ATP2B1: variants seen among roughly 807,000 people sequenced by gnomAD.
The protein encoded by ATP2B1 is ATPase plasma membrane Ca2+ transporting 1, also known as plasma membrane calcium-transporting ATPase 1.
In ATP2B1, 14 loss-of-function variants were observed where a neutral mutation model predicts 124.2. The ratio of observed to expected loss-of-function variants is 0.11; its 90% CI spans 0.07 to 0.18. The LOEUF (loss-of-function observed/expected upper bound fraction) is 0.18. Among genes scored for constraint, ATP2B1 ranks in the 10% least tolerant of loss-of-function variants. ATP2B1 has a pLI of 1.00. For missense variants in ATP2B1, 763 were observed against 1,466.1 expected (o/e 0.52, Z 7.83); for synonymous variants, 449 against 492.4 (o/e 0.91, Z 1.17).
At chr12:89,643,230 G>A (rs918091483) in intron 2 of ATP2B1, among the ~76,000 whole-genome samples, 2 of 148,580 alleles carry the variant, frequency 1.3e-5, no homozygotes, top group South Asian at 2.1e-4. Context: ...ATGTATATAC[G>A]TATATATATG....
chr12:89,638,760 A>C (rs2136219134), intron 3 of ATP2B1, among the ~76,000 whole-genome samples: 1 of 152,356 alleles, frequency 6.6e-6, no homozygotes, highest in East Asian at 1.9e-4. Flanking sequence ...TAGGATATAC[A>C]GCAAAATATT....
intron 1 of ATP2B1, among the ~76,000 whole-genome samples, chr12:89,691,778 A>G (rs555458548): frequency 3.3e-5 from 5 of 152,300 alleles, no homozygotes; most frequent in Admixed American, 6.5e-5. Flanking sequence ...ACAAAACAGG[A>G]AAGTCCACCC....
At position 89,599,103 on chromosome 12, in the gene ATP2B1, T is replaced by C; in HGVS notation, c.3351+14A>G. 1.9e-6 allele frequency: 3 copies of C among 1,611,806 alleles called. No homozygotes were observed. Among genetic ancestry groups the C allele is most frequent in the Non-Finnish European group, 2.5e-6 (3 of 1,178,666 alleles). ...GCTCCCATCATCTCTCCTACCTCTCTACCAGGCCCATACCTGTGTTTGGAT... is the reference window on the plus strand; with the variant it reads ...GCTCCCATCATCTCTCCTACCTCTCCACCAGGCCCATACCTGTGTTTGGAT... On this transcript the variant is annotated intron_variant, in intron 20 of 20. Transcript: ENST00000428670.
intron 20 of ATP2B1, among the ~76,000 whole-genome samples, chr12:89,596,895 T>G (rs1232797106): frequency 6.6e-6 from 1 of 152,170 alleles, no homozygotes; most frequent in African/African-American, 2.4e-5. Flanking sequence ...CCTTAGTTTA[T>G]TCCTCTTTTA....
chr12:89,692,383 G>C (rs1305296416), intron 1 of ATP2B1, among the ~76,000 whole-genome samples: 2 of 152,056 alleles, frequency 1.3e-5, no homozygotes, highest in Non-Finnish European at 2.9e-5. Flanking sequence ...TCAATTCCAG[G>C]CTGGGACGAC....
At position 89,591,082 on chromosome 12, in the gene ATP2B1, C is replaced by T; in HGVS notation, c.3565G>A (p.Ala1189Thr). The change falls in exon 21 of 21, where the codon GCT becomes ACT. Residue 1189 changes from alanine (A) to threonine (T), a missense_variant. Physicochemically the swap from Ala to Thr is moderately conservative, Grantham distance 58. Coordinates refer to ENST00000428670, the MANE Select transcript of ATP2B1 (RefSeq NM_001366521.1). ...PPPSPNKNNNAVDSGIHLTIE... is the reference protein window; with the variant it reads ...PPPSPNKNNNTVDSGIHLTIE... The stretch of plus-strand genomic sequence containing the variant: ...GTAAGGTGAATTCCACTGTCAACAG[C>T]ATTGTTATTTTTGTTGGGAGAGGGT... 6.2e-7 allele frequency: 1 copy of T among 1,613,204 alleles called. No individual in the cohort carries two copies. The highest frequency in any genetic ancestry group is 8.5e-7 in the Non-Finnish European group (1 of 1,179,400).
At chr12:89,611,987 C>A (rs1438795002) in intron 12 of ATP2B1, 1 of 152,064 alleles carries the variant, frequency 6.6e-6, no homozygotes, top group Non-Finnish European at 1.5e-5. Context: ...CTAAGAGTCA[C>A]CTGTACCTCT....
At chr12:89,597,877 T>C (rs1874949303) in intron 20 of ATP2B1, among the ~76,000 whole-genome samples, 1 of 151,912 alleles carries the variant, frequency 6.6e-6, no homozygotes, top group Non-Finnish European at 1.5e-5. Flanking sequence ...AGTATACTTT[T>C]CCTACTTCTA....
intron 1 of ATP2B1, among the ~76,000 whole-genome samples, chr12:89,704,193 C>T (rs958235760): frequency 2.6e-5 from 4 of 151,978 alleles, no homozygotes. Context: ...AAAGAAGAAA[C>T]TTTTAGTACA....
At chr12:89,613,501 A>T (rs1878409536) in intron 12 of ATP2B1, among the ~76,000 whole-genome samples, 1 of 152,140 alleles carries the variant, frequency 6.6e-6, no homozygotes, top group South Asian at 2.1e-4. Context: ...CAGAGTGATG[A>T]GCAAAAGGAC....
At chr12:89,701,503 T>C (rs930073463) in intron 1 of ATP2B1, among the ~76,000 whole-genome samples, 7 of 152,214 alleles carry the variant, frequency 4.6e-5, no homozygotes, top group African/African-American at 1.7e-4. Context: ...TCTGTTAAAG[T>C]AAAGCAGAGA....
At chr12:89,631,020 T>A (rs1409372113) in intron 5 of ATP2B1, among the ~76,000 whole-genome samples, 1 of 151,912 alleles carries the variant, frequency 6.6e-6, no homozygotes, top group Non-Finnish European at 1.5e-5. Context: ...AATCCTCCTG[T>A]CTTGGCCACC....
chr12:89,672,328 C>T (rs996172370), intron 1 of ATP2B1, among the ~76,000 whole-genome samples: 2 of 151,656 alleles, frequency 1.3e-5, no homozygotes, highest in African/African-American at 4.8e-5. Flanking sequence ...GTGGCGGGTG[C>T]CTGTAATCCC....
chr12:89,685,765 C>T (rs932311144), intron 1 of ATP2B1, among the ~76,000 whole-genome samples: 1 of 152,026 alleles, frequency 6.6e-6, no homozygotes, highest in African/African-American at 2.4e-5. Flanking sequence ...CCAATGTGAC[C>T]ATATTTGGCA....
intron 1 of ATP2B1, among the ~76,000 whole-genome samples, chr12:89,698,545 C>T (rs967174078): frequency 2.0e-5 from 3 of 152,160 alleles, no homozygotes; most frequent in African/African-American, 7.2e-5. Context: ...GATTACCTGA[C>T]TGTGGTGGCG....
At chr12:89,625,361 A>G (rs1050049539) in intron 8 of ATP2B1, among the ~76,000 whole-genome samples, 1 of 152,006 alleles carries the variant, frequency 6.6e-6, no homozygotes, top group Non-Finnish European at 1.5e-5. Flanking sequence ...AGGTGGGAGG[A>G]TCACTTGAGC....
Position 89,591,045 on chromosome 12 carries a change from T to C in ATP2B1, c.3602A>G (p.Asn1201Ser), listed in dbSNP as rs1379026306. ...DSGIHLTIEMNKSATSSSPGS... is the reference protein window; with the variant it reads ...DSGIHLTIEMSKSATSSSPGS... ...TGGGGATGAAGAGGTAGCAGACTTG[T>C]TCATTTCTATTGTAAGGTGAATTCC... Residue 1201 changes from asparagine (N) to serine (S), a missense_variant, in exon 21 of 21, where the codon AAC becomes AGC. By Grantham distance (46) the Asn-to-Ser change is conservative. Transcript: ENST00000428670. The C allele has an allele frequency of 1.9e-6, 3 of 1,613,216 alleles. No individual in the cohort carries two copies. Among genetic ancestry groups the C allele is most frequent in the African/African-American group, 1.3e-5 (1 of 74,972 alleles).
At chr12:89,600,768 C>A (rs552402665) in intron 19 of ATP2B1, among the ~76,000 whole-genome samples, 38 of 151,968 alleles carry the variant, frequency 2.5e-4, no homozygotes, top group Non-Finnish European at 4.4e-4. Context: ...CCTGCCTCAG[C>A]CTCCCAAGTA....
rs146139422 is a variant in ATP2B1 at position 89,641,887 on chromosome 12, T to A, written c.406+271A>T. 40 of 326,456 alleles carry A rather than the reference T, an allele frequency of 1.2e-4. No homozygotes were observed. The East Asian group carries it at 1.6e-3, about 13-fold the overall frequency. The allele number at this position is 326,456 out of a possible 1,614,324, so 20.2% of individuals were successfully genotyped here. A position where few individuals can be genotyped will look rare whatever the true frequency, so the allele number is the denominator to read the frequency against. On this transcript the variant is annotated intron_variant, in intron 3 of 20. Coordinates refer to ENST00000428670, the MANE Select transcript of ATP2B1 (RefSeq NM_001366521.1). ...AACTGTGATAGCAAAGACCATGTCA[T>A]ATACATGGCATAGGTCTGTGCCAGA...
Sources: allele counts gnomAD v4.1 joint callset (sites outside exome capture counted in the v4.1 genomes callset), GRCh38; gene constraint gnomAD v4.1.1; transcripts MANE v1.5; gene names NCBI Gene and HGNC (gene_info 2026-07-23, HGNC 2026-07-21).